VPS13B: variants seen among roughly 807,000 people sequenced by gnomAD.
VPS13B encodes the protein vacuolar protein sorting 13 homolog B, also known as intermembrane lipid transfer protein VPS13B.
Under a neutral mutation model 426.4 loss-of-function variants are expected in VPS13B, and 285 were observed. The ratio of observed to expected loss-of-function variants is 0.67; its 90% CI spans 0.61 to 0.74. The LOEUF (loss-of-function observed/expected upper bound fraction) is 0.74, where lower values mean the gene tolerates loss of function less well. VPS13B is among the 30% of genes least tolerant of loss of function. The probability of loss-of-function intolerance (pLI) is 0.00; values close to 1 mark genes in which losing one functional copy is unlikely to be tolerated. For synonymous variants in VPS13B, 1,676 were observed against 1,676.4 expected (o/e 1.00, Z 0.01); for missense variants, 4,537 against 4,782.6 (o/e 0.95, Z 1.51).
chr8:99,161,200 G>C (rs1382087239), intron 15 of VPS13B, among the ~76,000 whole-genome samples: 1 of 152,118 alleles, frequency 6.6e-6, no homozygotes, highest in Non-Finnish European at 1.5e-5. Context: ...TTAATACATA[G>C]AAGTGTACAA....
chr8:99,405,402 T>C (rs1291721732), intron 21 of VPS13B, among the ~76,000 whole-genome samples: 1 of 152,210 alleles, frequency 6.6e-6, no homozygotes, highest in Non-Finnish European at 1.5e-5. Flanking sequence ...TTCCAAGTTG[T>C]ATCTTGAATC....
At chr8:99,376,636 G>A (rs1278356511) in intron 19 of VPS13B, among the ~76,000 whole-genome samples, 5 of 152,004 alleles carry the variant, frequency 3.3e-5, no homozygotes, top group Admixed American at 3.3e-4. Context: ...CCAATCACAT[G>A]TTGAGAATTT....
At chr8:99,803,499 A>G (rs2130768284) in intron 43 of VPS13B, among the ~76,000 whole-genome samples, 1 of 152,318 alleles carries the variant, frequency 6.6e-6, no homozygotes, top group East Asian at 1.9e-4. Flanking sequence ...AAAGGGTCCA[A>G]AAATAAAATT....
intron 17 of VPS13B, among the ~76,000 whole-genome samples, chr8:99,203,265 C>T (rs897951786): frequency 7.6e-4 from 116 of 152,214 alleles, no homozygotes; most frequent in African/African-American, 2.7e-3. Context: ...ACAAAAACCA[C>T]GTGATTATCT....
chr8:99,216,478 C>T (rs1465097072), intron 17 of VPS13B, among the ~76,000 whole-genome samples: 1 of 151,536 alleles, frequency 6.6e-6, no homozygotes, highest in South Asian at 2.1e-4. Context: ...TATTCTCATC[C>T]TAGCATATCA....
At chr8:99,236,966 G>C (rs1040704327) in intron 17 of VPS13B, among the ~76,000 whole-genome samples, 2 of 152,180 alleles carry the variant, frequency 1.3e-5, no homozygotes, top group African/African-American at 4.8e-5. Flanking sequence ...GAGGGACCTG[G>C]TGGAAAGTCT....
chr8:99,154,478 A>G (rs1811247585), intron 14 of VPS13B, among the ~76,000 whole-genome samples: 2 of 152,172 alleles, frequency 1.3e-5, no homozygotes, highest in Admixed American at 1.3e-4. Flanking sequence ...TCAAAGGGAA[A>G]AATGCTAACA....
In VPS13B at chr8:99,196,717, G is replaced by A. The variant is rs546572461; in HGVS notation, c.2515+3660G>A. Reference sequence around the variant, plus strand: ...TCCTCCTAAAATACTGGGATTACACGTGTGAGCCACTATGCCTGGCTGGGA... The same window carrying A: ...TCCTCCTAAAATACTGGGATTACACATGTGAGCCACTATGCCTGGCTGGGA... On this transcript the variant is annotated intron_variant, in intron 17 of 61. Transcript: ENST00000357162. Among the ~76,000 whole-genome samples, 8 of 152,220 alleles carry A rather than the reference G, an allele frequency of 5.3e-5. No individual in the cohort carries two copies. The East Asian group carries it at 5.8e-4, about 11-fold the overall frequency.
intron 58 of VPS13B, chr8:99,867,907 C>T (rs765752121): frequency 5.3e-4 from 162 of 303,316 alleles, no homozygotes; most frequent in Non-Finnish European, 1.7e-4. Flanking sequence ...TGAATCAGTG[C>T]AAATGTATTG....
intron 5 of VPS13B, among the ~76,000 whole-genome samples, chr8:99,109,721 A>G (rs771848913): frequency 6.6e-6 from 1 of 152,104 alleles, no homozygotes; most frequent in African/African-American, 2.4e-5. Context: ...AAGAACATGC[A>G]CTCTGCAGTA....
intron 3 of VPS13B, 72 bp downstream of exon 3, chr8:99,038,638 A>G (rs1045218346): frequency 2.2e-6 from 3 of 1,336,260 alleles, no homozygotes; most frequent in Non-Finnish European, 3.2e-6. Flanking sequence ...TTACCTTTTC[A>G]AATATGCCAA....
intron 13 of VPS13B, among the ~76,000 whole-genome samples, chr8:99,146,433 C>T (rs1180132235): frequency 6.6e-6 from 1 of 152,178 alleles, no homozygotes; most frequent in African/African-American, 2.4e-5. Context: ...GACTTAATTA[C>T]TGTAACTCTA....
At chr8:99,290,407 A>C (rs985095347) in intron 19 of VPS13B, among the ~76,000 whole-genome samples, 1 of 152,110 alleles carries the variant, frequency 6.6e-6, no homozygotes, top group Non-Finnish European at 1.5e-5. Flanking sequence ...ACGCAAGAAC[A>C]AAAAACCAAA....
chr8:99,151,136 A>G (rs1811055081), intron 14 of VPS13B, among the ~76,000 whole-genome samples: 1 of 152,182 alleles, frequency 6.6e-6, no homozygotes, highest in Admixed American at 6.5e-5. Flanking sequence ...TGACATATGG[A>G]AACATCATTT....
chr8:99,381,347 A>G (rs1448617966), intron 19 of VPS13B, among the ~76,000 whole-genome samples: 2 of 152,146 alleles, frequency 1.3e-5, no homozygotes, highest in African/African-American at 4.8e-5. Flanking sequence ...GCTATTGTGA[A>G]TAGTGCTGTG....
rs558774877 is a variant in VPS13B at position 99,282,445 on chromosome 8, G to A, written c.2824+7191G>A. 4.2e-4 allele frequency among the ~76,000 whole-genome samples: 64 copies of A among 152,094 alleles called. 1 individual carries two copies. Among genetic ancestry groups the A allele is most frequent in the Admixed American group, 2.9e-3 (44 of 15,250 alleles). Reference sequence around the variant, plus strand: ...TGAGCTTGTATGCTACTTGGAAACCGTGGATCTTTTTCACACGAACTACTC... The same window carrying A: ...TGAGCTTGTATGCTACTTGGAAACCATGGATCTTTTTCACACGAACTACTC... On this transcript the variant is annotated intron_variant, in intron 19 of 61. Coordinates refer to ENST00000357162, the MANE Select transcript of VPS13B (RefSeq NM_152564.5).
At chr8:99,752,192 C>A (rs1008782160) in intron 39 of VPS13B, among the ~76,000 whole-genome samples, 1 of 151,692 alleles carries the variant, frequency 6.6e-6, no homozygotes, top group Non-Finnish European at 1.5e-5. Context: ...AAAAAAAGTA[C>A]ATTTTAAATT....
intron 17 of VPS13B, among the ~76,000 whole-genome samples, chr8:99,231,741 G>C (rs1393482315): frequency 6.6e-6 from 1 of 152,086 alleles, no homozygotes; most frequent in Non-Finnish European, 1.5e-5. Flanking sequence ...AAACACCTGA[G>C]GTAGCTTTTT....
At chr8:99,413,068 C>T (rs1333828828) in intron 21 of VPS13B, among the ~76,000 whole-genome samples, 1 of 152,156 alleles carries the variant, frequency 6.6e-6, no homozygotes, top group Non-Finnish European at 1.5e-5. Context: ...AGATGCTGGC[C>T]TCATAAAATG....
Sources: gnomAD v4.1 joint callset for allele counts (sites outside exome capture counted in the v4.1 genomes callset) on GRCh38, gnomAD v4.1.1 for gene constraint, MANE v1.5 for transcripts, NCBI Gene and HGNC (gene_info 2026-07-23, HGNC 2026-07-21) for gene names.